Variants in SLX4IP observed in about 807,000 individuals in gnomAD.
SLX4IP encodes the protein SLX4 interacting protein.
In SLX4IP, 34 loss-of-function variants were observed where a neutral mutation model predicts 32.9. That is an observed-to-expected ratio of 1.03 (90% CI 0.79 to 1.38). The LOEUF is 1.38. Ranked by LOEUF, SLX4IP falls within the 40% of genes most tolerant of loss-of-function variation. The pLI is 0.00. For synonymous variants in SLX4IP, 172 were observed against 171.7 expected (o/e 1.00, Z -0.01); for missense variants, 444 against 479.0 (o/e 0.93, Z 0.68).
chr20:10,613,360 G>T, intron 6 of SLX4IP: 1 of 1,211,580 alleles, frequency 8.3e-7, no homozygotes, highest in Non-Finnish European at 1.2e-6. Context: ...ATTGCTTTTT[G>T]CCTTCAAGTC....
intron 2 of SLX4IP, among the ~76,000 whole-genome samples, chr20:10,513,721 G>A (rs1309789436): frequency 6.6e-6 from 1 of 152,212 alleles, no homozygotes; most frequent in Non-Finnish European, 1.5e-5. Flanking sequence ...AAGGACTGGA[G>A]GAGTCCTAGC....
chr20:10,512,622 TTATATATTA>T (rs1276696581), intron 2 of SLX4IP, among the ~76,000 whole-genome samples: 2 of 143,454 alleles, frequency 1.4e-5, no homozygotes, highest in Non-Finnish European at 3.0e-5. Context: ...ATATATAGTA[TTATATATTA>T]TATATAGTAT....
chr20:10,469,933 A>T (rs1188834037), intron 2 of SLX4IP, among the ~76,000 whole-genome samples: 1 of 152,190 alleles, frequency 6.6e-6, no homozygotes, highest in African/African-American at 2.4e-5. Flanking sequence ...ACCACCACCA[A>T]ACACCGAGGG....
chr20:10,542,908 G>T (rs111351514), intron 2 of SLX4IP, among the ~76,000 whole-genome samples: 4 of 152,146 alleles, frequency 2.6e-5, no homozygotes, highest in African/African-American at 9.7e-5. Context: ...TATTTTGTGG[G>T]TATGTCCCCT....
chr20:10,559,132 A>G (rs2066302894), intron 3 of SLX4IP, among the ~76,000 whole-genome samples: 1 of 152,164 alleles, frequency 6.6e-6, no homozygotes, highest in Admixed American at 6.5e-5. Flanking sequence ...TTTTTTAAAA[A>G]AAAAAAAACC....
chr20:10,457,809 A>G (rs1471792986), intron 1 of SLX4IP, among the ~76,000 whole-genome samples: 3 of 150,490 alleles, frequency 2.0e-5, no homozygotes, highest in Admixed American at 6.6e-5. Context: ...AGAATGTAGC[A>G]GGGAAGCCAT....
At chr20:10,445,932 G>GTTT (rs2065198680) in intron 1 of SLX4IP, among the ~76,000 whole-genome samples, 1 of 126,240 alleles carries the variant, frequency 7.9e-6, no homozygotes. Flanking sequence ...GGCTGAGATT[G>GTTT]CTTTTTTTTT....
intron 6 of SLX4IP, among the ~76,000 whole-genome samples, chr20:10,617,032 C>T (rs1377826316): frequency 6.6e-6 from 1 of 152,218 alleles, no homozygotes; most frequent in Non-Finnish European, 1.5e-5. Context: ...ATCAGAATCA[C>T]TGAGGGGCTT....
rs545082319 is a variant in SLX4IP at position 10,509,463 on chromosome 20, T to C, written c.28-46768T>C. On this transcript the variant is annotated intron_variant, in intron 2 of 7. Transcript: ENST00000334534. ...GCTGTAATTTATCTGAACCAGTAAG[T>C]TGGACAGCCTTGGCAACACTATAAA... Among the ~76,000 whole-genome samples the C allele has an allele frequency of 2.0e-5, 3 of 152,290 alleles. No homozygotes were observed. The South Asian group carries it at 6.2e-4, about 32-fold the overall frequency.
At chr20:10,496,035 A>G (rs538917391) in intron 2 of SLX4IP, among the ~76,000 whole-genome samples, 1 of 146,584 alleles carries the variant, frequency 6.8e-6, no homozygotes, top group African/African-American at 2.5e-5. Flanking sequence ...TGTTTGGTTG[A>G]TTTTTTTTTT....
chr20:10,545,305 T>C (rs777024890), intron 2 of SLX4IP, among the ~76,000 whole-genome samples: 8 of 152,256 alleles, frequency 5.3e-5, no homozygotes, highest in Non-Finnish European at 1.0e-4. Flanking sequence ...AGCCCTGAAA[T>C]AGTAGAAACT....
At chr20:10,618,953 G>A (rs966740625) in intron 6 of SLX4IP, among the ~76,000 whole-genome samples, 2 of 138,054 alleles carry the variant, frequency 1.4e-5, no homozygotes, top group Admixed American at 7.1e-5. Flanking sequence ...GGGGGCGGGG[G>A]AGGGGAGCAG....
intron 2 of SLX4IP, among the ~76,000 whole-genome samples, chr20:10,490,866 T>C (rs549374325): frequency 1.3e-5 from 2 of 152,312 alleles, no homozygotes; most frequent in South Asian, 4.1e-4. Flanking sequence ...ATGTGAATGC[T>C]CTGATTCAGT....
At chr20:10,494,576 A>G (rs1212828416) in intron 2 of SLX4IP, among the ~76,000 whole-genome samples, 1 of 151,900 alleles carries the variant, frequency 6.6e-6, no homozygotes, top group African/African-American at 2.4e-5. Flanking sequence ...TTTTTATCCA[A>G]TATTGTTTAT....
chr20:10,478,142 A>G (rs1600911756), intron 2 of SLX4IP, among the ~76,000 whole-genome samples: 1 of 150,792 alleles, frequency 6.6e-6, no homozygotes, highest in African/African-American at 2.4e-5. Flanking sequence ...CAGGCATTCC[A>G]CCCGCCTCAG....
At chr20:10,530,529 G>A (rs1183924780) in intron 2 of SLX4IP, among the ~76,000 whole-genome samples, 3 of 152,136 alleles carry the variant, frequency 2.0e-5, no homozygotes, top group Non-Finnish European at 2.9e-5. Context: ...CATTTCCATG[G>A]AGTCTGCGTG....
chr20:10,484,397 T>G (rs2065553813), intron 2 of SLX4IP, among the ~76,000 whole-genome samples: 1 of 152,208 alleles, frequency 6.6e-6, no homozygotes, highest in South Asian at 2.1e-4. Flanking sequence ...AGGAGTTTCA[T>G]TCACTTATCT....
intron 1 of SLX4IP, among the ~76,000 whole-genome samples, chr20:10,452,763 AT>A (rs2065253908): frequency 6.6e-6 from 1 of 150,976 alleles, no homozygotes; most frequent in African/African-American, 2.4e-5. Context: ...AGGCAGGAGG[AT>A]CGCTTCAGTC....
At chr20:10,499,258 T>A (rs1462359731) in intron 2 of SLX4IP, among the ~76,000 whole-genome samples, 1 of 152,146 alleles carries the variant, frequency 6.6e-6, no homozygotes, top group Admixed American at 6.5e-5. Context: ...TTACTTACAA[T>A]AAGAAATACA....
Sources: allele counts gnomAD v4.1 joint callset (sites outside exome capture counted in the v4.1 genomes callset), GRCh38; gene constraint gnomAD v4.1.1; transcripts MANE v1.5; gene names NCBI Gene and HGNC (gene_info 2026-07-23, HGNC 2026-07-21).